MARCO: variants seen among roughly 807,000 people sequenced by gnomAD.
MARCO encodes macrophage receptor MARCO.
A neutral mutation model predicts 70.0 loss-of-function variants in MARCO; 72 were observed. The observed-to-expected ratio is 1.03, with a 90% CI of 0.85 to 1.25. The LOEUF is 1.25. Ranked by LOEUF, MARCO falls within the 50% of genes most tolerant of loss-of-function variation. MARCO has a pLI of 0.00. For synonymous variants in MARCO, 273 were observed against 243.1 expected, an observed-to-expected ratio of 1.12 and a Z score of -1.14; for missense variants, 696 against 659.3, an observed-to-expected ratio of 1.06 and a Z score of -0.61.
chr2:118,982,566 G>A (rs1680415189), intron 12 of MARCO, among the ~76,000 whole-genome samples, 156 bp downstream of exon 12: 1 of 152,192 alleles, frequency 6.6e-6, no homozygotes, highest in Admixed American at 6.5e-5. Flanking sequence ...GCCCCTGCCA[G>A]GACCCCTTAA....
intron 13 of MARCO, among the ~76,000 whole-genome samples, 159 bp downstream of exon 13, chr2:118,990,792 C>T (rs577913896): frequency 2.6e-5 from 4 of 152,226 alleles, no homozygotes; most frequent in East Asian, 3.9e-4. Context: ...CAGATTTCTC[C>T]GCTGCAAAAC....
rs138457722 is a variant in MARCO at position 118,989,148 on chromosome 2, T to G, written c.1064-1441T>G. On this transcript the variant is annotated intron_variant, in intron 12 of 16. Coordinates refer to ENST00000327097, the MANE Select transcript of MARCO (RefSeq NM_006770.4). ...TTGTCTTGGGCGAGGGAGAGAAGGC[T>G]TCACAGGTGGTGACATCTGACATCT... 9.3e-3 allele frequency among the ~76,000 whole-genome samples: 1,410 copies of G among 152,314 alleles called. 9 individuals carry two copies. The highest frequency in any genetic ancestry group is 0.016 in the Non-Finnish European group (1,065 of 68,018).
In MARCO at chr2:118,992,460, A is replaced by C; in HGVS notation, c.1236A>C (p.Gly412=). 2 of 1,613,552 alleles carry C rather than the reference A, an allele frequency of 1.2e-6. No homozygotes were observed. Among genetic ancestry groups the C allele is most frequent in the South Asian group, 2.2e-5 (2 of 91,062 alleles). The change falls in exon 15 of 17, where the codon GGA becomes GGC. Residue 412 remains glycine (G), a synonymous_variant. Transcript: ENST00000327097. ...KGSSGEQGVK[G]EKGERGENSV... is the part of the protein sequence containing the mutation. ...CTTCTGGGGAGCAAGGAGTAAAGGG[A>C]GAAAAAGGTGAAAGAGGTAATCACT...
chr2:118,972,001 G>C (rs952378340), intron 4 of MARCO, among the ~76,000 whole-genome samples: 1 of 152,206 alleles, frequency 6.6e-6, no homozygotes, highest in Non-Finnish European at 1.5e-5. Context: ...GTGCGGTCAG[G>C]CCGATCTGAG....
intron 12 of MARCO, 78 bp from the exon 13 acceptor site, chr2:118,990,510 GA>G (rs1680599894): frequency 7.3e-7 from 1 of 1,367,396 alleles, no homozygotes; most frequent in African/African-American, 1.4e-5. Context: ...ACAAAAGGTA[GA>G]GGTTGTCTAA....
intron 15 of MARCO, 174 bp from the exon 16 acceptor site, chr2:118,992,950 C>G: frequency 3.3e-6 from 2 of 611,328 alleles, no homozygotes; most frequent in Admixed American, 3.0e-5. Context: ...ATGGAGGCTG[C>G]GTGCCAGGTT....
chr2:118,990,889 G>C lies in MARCO; in HGVS notation c.1108+256G>C, dbSNP rs1434006415. Reference sequence around the variant, plus strand: ...GGCAAAGGGGCTGAGGATGGCAAAGGGGAAAAATGTCAGGAGAGCTGGGGG... The same window carrying C: ...GGCAAAGGGGCTGAGGATGGCAAAGCGGAAAAATGTCAGGAGAGCTGGGGG... On this transcript the variant is annotated intron_variant, in intron 13 of 16. Coordinates refer to ENST00000327097, the MANE Select transcript of MARCO (RefSeq NM_006770.4). Among the ~76,000 whole-genome samples the C allele has an allele frequency of 2.0e-5, 3 of 152,108 alleles. No homozygotes were observed. In the East Asian group the frequency reaches 5.8e-4, roughly 29 times the overall value.
chr2:118,950,184 A>G (rs921655257), intron 1 of MARCO, among the ~76,000 whole-genome samples: 42 of 152,218 alleles, frequency 2.8e-4, no homozygotes, highest in Non-Finnish European at 2.9e-5. Context: ...TGTGTCATTA[A>G]TGTTAAATTT....
At chr2:118,974,243 T>A (rs941655488) in intron 4 of MARCO, 90 bp from the exon 5 acceptor site, 14 of 797,194 alleles carry the variant, frequency 1.8e-5, no homozygotes, top group Non-Finnish European at 2.6e-5. Flanking sequence ...AGTGAACGTT[T>A]GTTGAATGAA....
chr2:118,984,970 G>A (rs767882), intron 12 of MARCO, among the ~76,000 whole-genome samples: 1,585 of 152,242 alleles, frequency 0.01, 18 homozygotes, highest in African/African-American at 0.036. Flanking sequence ...ATTACAGTGC[G>A]TTGGCTTGAC....
intron 12 of MARCO, among the ~76,000 whole-genome samples, chr2:118,986,709 G>GAAAGAAAGA (rs1558671963): frequency 1.1e-5 from 1 of 89,758 alleles, no homozygotes; most frequent in Non-Finnish European, 2.2e-5. Flanking sequence ...AAGAAAGAAA[G>GAAAGAAAGA]AAAGAAAGAA....
chr2:118,973,495 C>T lies in MARCO; in HGVS notation c.461-838C>T, dbSNP rs76249506. 3.3e-5 allele frequency among the ~76,000 whole-genome samples: 5 copies of T among 152,160 alleles called. No individual in the cohort carries two copies. In the East Asian group the frequency reaches 5.8e-4, roughly 18 times the overall value. On this transcript the variant is annotated intron_variant, in intron 4 of 16. Coordinates refer to ENST00000327097, the MANE Select transcript of MARCO (RefSeq NM_006770.4). The stretch of plus-strand genomic sequence containing the variant: ...GGCTATAGAAGTCTCGGCTCCTCCT[C>T]GGACACCACCTGCCTCTCCAGATTC...
intron 14 of MARCO, among the ~76,000 whole-genome samples, chr2:118,992,222 A>G (rs1680636303): frequency 6.6e-6 from 1 of 151,712 alleles, no homozygotes; most frequent in African/African-American, 2.4e-5. Context: ...TCTAACTTCA[A>G]CCCCTCTTGC....
At chr2:118,993,451 C>A in intron 16 of MARCO, 151 bp downstream of exon 16, 1 of 703,074 alleles carries the variant, frequency 1.4e-6, no homozygotes. Context: ...TGCAGGGCTC[C>A]AGGTATGCAT....
intron 1 of MARCO, among the ~76,000 whole-genome samples, chr2:118,967,892 C>T (rs138807297): frequency 2.6e-5 from 4 of 152,258 alleles, no homozygotes; most frequent in African/African-American, 9.6e-5. Flanking sequence ...TCAGATGTGC[C>T]CTTGGGGCCC....
At chr2:118,955,069 A>C (rs974133766) in intron 1 of MARCO, among the ~76,000 whole-genome samples, 49 of 151,960 alleles carry the variant, frequency 3.2e-4, no homozygotes, top group African/African-American at 1.2e-3. Context: ...AAATCACACT[A>C]GTTCACCAGC....
chr2:118,970,222 G>A lies in MARCO; in HGVS notation c.308G>A (p.Gly103Glu), dbSNP rs779064531. 1.4e-5 allele frequency: 23 copies of A among 1,613,936 alleles called. No individual in the cohort carries two copies. In the African/African-American group the frequency reaches 2.7e-4, roughly 19 times the overall value. Residue 103 changes from glycine (G) to glutamate (E), a missense_variant, in exon 3 of 17, where the codon GGA becomes GAA. Coordinates refer to ENST00000327097, the MANE Select transcript of MARCO (RefSeq NM_006770.4). ...SFSLLQSAHPGEHLAQGASRL... is the reference protein window; with the variant it reads ...SFSLLQSAHPEEHLAQGASRL... ...TCCTTGCTGCAGTCAGCACACCCTGGAGAACACCTGGCTCAGGGTGCATCG... is the reference window on the plus strand; with the variant it reads ...TCCTTGCTGCAGTCAGCACACCCTGAAGAACACCTGGCTCAGGGTGCATCG...
chr2:118,990,813 C>T (rs1268535757), intron 13 of MARCO, among the ~76,000 whole-genome samples, 180 bp downstream of exon 13: 1 of 152,118 alleles, frequency 6.6e-6, no homozygotes, highest in Admixed American at 6.5e-5. Flanking sequence ...CTGGGAACCA[C>T]AGGAACTCAA....
rs61732824 is a variant in MARCO, at chr2:118,982,241, C to T, written c.987C>T (p.Ser329=). The T allele has an allele frequency of 8.3e-3, 13,435 of 1,612,704 alleles. 920 individuals are homozygous for T. In the African/African-American group the frequency reaches 0.15, roughly 18 times the overall value. ...AGGGTGAGCCTGGCAGTGCTGGCTC[C>T]CCTGGGCGAGCAGGTGAGGTCCTGG... is the stretch of plus-strand genomic sequence containing the variant. ...GAKGEPGSAG[S]PGRAGLPGSP... Residue 329 remains serine (S), a synonymous_variant, in exon 11 of 17, where the codon TCC becomes TCT. Coordinates refer to ENST00000327097, the MANE Select transcript of MARCO (RefSeq NM_006770.4).
Sources: allele counts gnomAD v4.1 joint callset (sites outside exome capture counted in the v4.1 genomes callset), GRCh38; gene constraint gnomAD v4.1.1; transcripts MANE v1.5; gene names NCBI Gene and HGNC (gene_info 2026-07-23, HGNC 2026-07-21).